COL25A1: variants seen among roughly 807,000 people sequenced by gnomAD.
COL25A1 encodes the protein collagen alpha-1(XXV) chain.
COL25A1 carries 103 observed loss-of-function variants against 128.4 expected under a neutral mutation model. The ratio of observed to expected loss-of-function variants is 0.80; its 90% confidence interval spans 0.68 to 0.94. The LOEUF is 0.94. Ranked by LOEUF, COL25A1 falls within the 40% of genes least tolerant of loss-of-function variation. The pLI is 0.00. For synonymous variants in COL25A1, 279 were observed against 277.2 expected (o/e 1.01, Z -0.06); for missense variants, 745 against 840.0 (o/e 0.89, Z 1.40).
At chr4:109,177,531 G>T (rs1307091537) in intron 3 of COL25A1, among the ~76,000 whole-genome samples, 1 of 152,100 alleles carries the variant, frequency 6.6e-6, no homozygotes, top group Non-Finnish European at 1.5e-5. Context: ...TCATTTTGAT[G>T]CTGAACTTTT....
chr4:108,947,685 A>T (rs1287610843), intron 8 of COL25A1, among the ~76,000 whole-genome samples: 1 of 152,146 alleles, frequency 6.6e-6, no homozygotes, highest in East Asian at 1.9e-4. Flanking sequence ...ACTCAAAATG[A>T]TAGATGCATA....
rs144384849 is a variant in COL25A1 at position 108,999,905 on chromosome 4, G to C, written c.438+10453C>G. On this transcript the variant is annotated intron_variant, in intron 6 of 37. Transcript: ENST00000399132. Reference sequence around the variant, plus strand: ...ACCACATGTTCTCACTCGTAGGTGGGAGATGAACAACAAGAACACATGGAC... The same window carrying C: ...ACCACATGTTCTCACTCGTAGGTGGCAGATGAACAACAAGAACACATGGAC... Among the ~76,000 whole-genome samples, 1,120 of 152,224 alleles carry C rather than the reference G, an allele frequency of 7.4e-3. 7 individuals carry two copies. Among genetic ancestry groups the C allele is most frequent in the Non-Finnish European group, 0.011 (770 of 68,022 alleles).
chr4:108,954,750 T>C (rs1032752066), intron 8 of COL25A1, among the ~76,000 whole-genome samples: 1 of 152,050 alleles, frequency 6.6e-6, no homozygotes, highest in East Asian at 1.9e-4. Context: ...AAGTGTAACA[T>C]GGTCTTTCAA....
At chr4:109,031,055 G>T (rs1001295718) in intron 5 of COL25A1, among the ~76,000 whole-genome samples, 1 of 151,562 alleles carries the variant, frequency 6.6e-6, no homozygotes, top group Non-Finnish European at 1.5e-5. Context: ...CCTTTATGCC[G>T]TGTGTTTCAG....
At chr4:108,821,224 A>T (rs986881194) in intron 35 of COL25A1, among the ~76,000 whole-genome samples, 2 of 152,212 alleles carry the variant, frequency 1.3e-5, no homozygotes. Context: ...TTGCATCAGA[A>T]GGCTCAGAAT....
intron 13 of COL25A1, among the ~76,000 whole-genome samples, chr4:108,902,165 T>TGGA (rs1331072217): frequency 6.6e-6 from 1 of 152,044 alleles, no homozygotes; most frequent in African/African-American, 2.4e-5. Context: ...CTAAGTCACC[T>TGGA]GGAGGGCAAG....
intron 20 of COL25A1, among the ~76,000 whole-genome samples, chr4:108,868,287 C>T (rs939234644): frequency 1.3e-5 from 2 of 152,070 alleles, no homozygotes; most frequent in Non-Finnish European, 2.9e-5. Flanking sequence ...TTGCCTAAGG[C>T]TTTCTAGATT....
intron 3 of COL25A1, among the ~76,000 whole-genome samples, chr4:109,113,097 G>C (rs1767179213): frequency 6.6e-6 from 1 of 152,090 alleles, no homozygotes; most frequent in Admixed American, 6.6e-5. Flanking sequence ...ACACCGGAGA[G>C]AGGAAAAACA....
intron 6 of COL25A1, among the ~76,000 whole-genome samples, chr4:108,986,396 A>G (rs1171509791): frequency 6.6e-6 from 1 of 152,188 alleles, no homozygotes; most frequent in African/African-American, 2.4e-5. Context: ...AACTTTGTGT[A>G]CTTCTTGATA....
intron 3 of COL25A1, among the ~76,000 whole-genome samples, chr4:109,200,746 C>A (rs928486742): frequency 3.3e-5 from 5 of 152,064 alleles, no homozygotes; most frequent in African/African-American, 1.2e-4. Flanking sequence ...GCCACTGCAC[C>A]CGGCCTCTCC....
intron 37 of COL25A1, among the ~76,000 whole-genome samples, 165 bp from the exon 38 acceptor site, chr4:108,814,094 T>C (rs1731029173): frequency 6.6e-6 from 1 of 152,222 alleles, no homozygotes; most frequent in African/African-American, 2.4e-5. Flanking sequence ...ATGTGTGCTA[T>C]ATATTACTTT....
intron 3 of COL25A1, among the ~76,000 whole-genome samples, chr4:109,177,559 C>T (rs568855754): frequency 5.9e-5 from 9 of 152,214 alleles, no homozygotes; most frequent in African/African-American, 2.2e-4. Context: ...ATACAGTGGG[C>T]ACCATCTGCT....
intron 18 of COL25A1, among the ~76,000 whole-genome samples, chr4:108,887,288 C>T (rs1384027740): frequency 6.6e-6 from 1 of 152,150 alleles, no homozygotes; most frequent in Non-Finnish European, 1.5e-5. Context: ...AGCCTAAGCG[C>T]CAATGAACCC....
intron 36 of COL25A1, among the ~76,000 whole-genome samples, chr4:108,818,499 T>C (rs571747810): frequency 1.3e-5 from 2 of 152,226 alleles, no homozygotes; most frequent in East Asian, 3.9e-4. Flanking sequence ...TTCATAAATA[T>C]TTGGGAAAAA....
At chr4:109,235,220 G>C (rs144355862) in intron 3 of COL25A1, among the ~76,000 whole-genome samples, 2 of 152,174 alleles carry the variant, frequency 1.3e-5, no homozygotes, top group Non-Finnish European at 2.9e-5. Context: ...AAAACAATCA[G>C]CAGCAATTTT....
intron 3 of COL25A1, among the ~76,000 whole-genome samples, chr4:109,124,986 T>C (rs1406775310): frequency 6.6e-6 from 1 of 152,156 alleles, no homozygotes; most frequent in Non-Finnish European, 1.5e-5. Context: ...AACTTAATAT[T>C]ACAGAATTTA....
chr4:109,080,372 A>G (rs1467171495), intron 3 of COL25A1, among the ~76,000 whole-genome samples: 1 of 152,132 alleles, frequency 6.6e-6, no homozygotes, highest in African/African-American at 2.4e-5. Context: ...CAGTAATACA[A>G]TATTTACCTA....
chr4:109,112,984 CTGAT>C (rs1364148997), intron 3 of COL25A1, among the ~76,000 whole-genome samples: 3 of 152,070 alleles, frequency 2.0e-5, no homozygotes, highest in African/African-American at 4.8e-5. Context: ...AAGTTTAACT[CTGAT>C]TGATAAGGGG....
chr4:109,236,766 T>C (rs1447550163), intron 3 of COL25A1, among the ~76,000 whole-genome samples: 1 of 152,086 alleles, frequency 6.6e-6, no homozygotes, highest in Middle Eastern at 3.2e-3. Context: ...TTCTCTCCAA[T>C]GACTTACATT....
Sources: gnomAD v4.1 joint callset for allele counts (sites outside exome capture counted in the v4.1 genomes callset) on GRCh38, gnomAD v4.1.1 for gene constraint, MANE v1.5 for transcripts, NCBI Gene and HGNC (gene_info 2026-07-23, HGNC 2026-07-21) for gene names.